The following VTI1A variants were observed in gnomAD, a reference collection of about 807,000 sequenced individuals.
VTI1A encodes vesicle transport through interaction with t-SNAREs homolog 1A.
Under a neutral mutation model 34.9 loss-of-function variants are expected in VTI1A, and 22 were observed. The ratio of observed to expected loss-of-function variants is 0.63; its 90% confidence interval spans 0.45 to 0.90. The LOEUF (loss-of-function observed/expected upper bound fraction) is 0.90, where lower values mean the gene tolerates loss of function less well. VTI1A is among the 40% of genes least tolerant of loss of function. VTI1A has a pLI of 0.00. For missense variants in VTI1A, 268 were observed against 275.6 expected (o/e 0.97, Z 0.20); for synonymous variants, 87 against 97.3 (o/e 0.89, Z 0.62).
intron 3 of VTI1A, among the ~76,000 whole-genome samples, chr10:112,490,447 T>TA (rs1324299468): frequency 4.6e-5 from 7 of 152,198 alleles, no homozygotes; most frequent in Non-Finnish European, 1.0e-4. Context: ...TCAGCCCTCA[T>TA]AAATACTGTT....
rs1227603793 is a variant in VTI1A, at chr10:112,564,035, A to ATCT, written c.427+25706_427+25708dup. ...TTTAAAAACCTAAGGTGATTAAAATATCTACTAAAATGTTGAAAATTGTAA... is the reference window on the plus strand; with the variant it reads ...TTTAAAAACCTAAGGTGATTAAAATATCTTCTACTAAAATGTTGAAAATTGTAA... On this transcript the variant is annotated intron_variant, in intron 5 of 7. Coordinates refer to ENST00000393077, the MANE Select transcript of VTI1A (RefSeq NM_145206.4). Among the ~76,000 whole-genome samples the ATCT allele has an allele frequency of 3.3e-5, 5 of 152,232 alleles. No individual in the cohort carries two copies. The East Asian group carries it at 9.6e-4, about 29-fold the overall frequency.
At chr10:112,822,325 T>A (rs1258529457), downstream of VTI1A, among the ~76,000 whole-genome samples, 1 of 152,186 alleles carries the variant, frequency 6.6e-6, no homozygotes, top group Non-Finnish European at 1.5e-5. Context: ...AGCCTGAGAA[T>A]GGGCTCTGCA....
intron 5 of VTI1A, among the ~76,000 whole-genome samples, chr10:112,566,979 CAT>C (rs1851925512): frequency 6.6e-6 from 1 of 152,134 alleles, no homozygotes; most frequent in African/African-American, 2.4e-5. Context: ...CCTAGTGCAA[CAT>C]ATTTTTTGTA....
chr10:112,795,836 A>G (rs1283839188), intron 7 of VTI1A, among the ~76,000 whole-genome samples: 1 of 152,132 alleles, frequency 6.6e-6, no homozygotes, highest in Non-Finnish European at 1.5e-5. Context: ...AATAATTATT[A>G]TATATGTAAT....
intron 7 of VTI1A, among the ~76,000 whole-genome samples, chr10:112,679,389 A>G (rs984872362): frequency 3.9e-5 from 6 of 152,182 alleles, no homozygotes; most frequent in Admixed American, 3.9e-4. Flanking sequence ...TTAAATTGTG[A>G]TGTTTGACCA....
intron 7 of VTI1A, among the ~76,000 whole-genome samples, chr10:112,709,950 C>G (rs1476597216): frequency 6.8e-6 from 1 of 147,826 alleles, no homozygotes; most frequent in Non-Finnish European, 1.5e-5. Context: ...CTCGGCCTCC[C>G]AAAGTGCTCT....
intron 5 of VTI1A, among the ~76,000 whole-genome samples, chr10:112,580,203 AAGATG>A (rs1325250817): frequency 6.6e-6 from 1 of 152,204 alleles, no homozygotes; most frequent in Non-Finnish European, 1.5e-5. Context: ...GCAGAAGTTG[AAGATG>A]TAACCTCAGA....
chr10:112,649,142 C>T (rs2133796496), intron 5 of VTI1A, among the ~76,000 whole-genome samples: 1 of 152,142 alleles, frequency 6.6e-6, no homozygotes, highest in South Asian at 2.1e-4. Flanking sequence ...GGGGTCAGGG[C>T]ACGCACAATG....
downstream of VTI1A, among the ~76,000 whole-genome samples, chr10:112,819,708 T>C (rs1458603444): frequency 2.0e-5 from 3 of 152,162 alleles, no homozygotes; most frequent in African/African-American, 7.2e-5. Context: ...ACCATGAGCT[T>C]GAAGGGCCAG....
At chr10:112,800,020 TG>T (rs1436166308) in intron 7 of VTI1A, among the ~76,000 whole-genome samples, 2 of 152,102 alleles carry the variant, frequency 1.3e-5, no homozygotes, top group Non-Finnish European at 2.9e-5. Flanking sequence ...CCTCAAAAGT[TG>T]GCAGAGATGC....
intron 3 of VTI1A, among the ~76,000 whole-genome samples, chr10:112,500,158 C>T (rs1421345397): frequency 2.0e-5 from 3 of 152,104 alleles, no homozygotes; most frequent in South Asian, 2.1e-4. Flanking sequence ...TTGCCAAGGC[C>T]GGGTGTGGTG....
intron 7 of VTI1A, among the ~76,000 whole-genome samples, chr10:112,725,210 G>A (rs898819964): frequency 1.4e-4 from 21 of 151,978 alleles, no homozygotes; most frequent in African/African-American, 4.6e-4. Context: ...ATTACAGATC[G>A]CCCTCCTGTT....
At chr10:112,701,255 C>G (rs1312141628) in intron 7 of VTI1A, among the ~76,000 whole-genome samples, 2 of 152,146 alleles carry the variant, frequency 1.3e-5, no homozygotes, top group African/African-American at 4.8e-5. Context: ...GATGCAGAAA[C>G]CAACAACTAG....
rs141522369 is a variant in VTI1A at position 112,717,323 on chromosome 10, C to T, written c.560+48325C>T. Among the ~76,000 whole-genome samples the T allele has an allele frequency of 5.2e-3, 798 of 152,274 alleles. 7 individuals are homozygous for T. The highest frequency in any genetic ancestry group is 0.018 in the African/African-American group (768 of 41,540). ...TCTCTTTTTCTCTTCTCCTGGTTATCTGTTGCTGAGTAGCAAACCACCCTA... is the reference window on the plus strand; with the variant it reads ...TCTCTTTTTCTCTTCTCCTGGTTATTTGTTGCTGAGTAGCAAACCACCCTA... On this transcript the variant is annotated intron_variant, in intron 7 of 7. Transcript: ENST00000393077.
intron 7 of VTI1A, among the ~76,000 whole-genome samples, chr10:112,685,841 A>G (rs1190772435): frequency 6.6e-6 from 1 of 152,204 alleles, no homozygotes; most frequent in African/African-American, 2.4e-5. Context: ...GAAAGAAATG[A>G]GACTTCTTCC....
chr10:112,596,301 TTAAAA>T (rs1253586215), intron 5 of VTI1A, among the ~76,000 whole-genome samples: 4 of 81,742 alleles, frequency 4.9e-5, no homozygotes, highest in Non-Finnish European at 7.1e-5. Flanking sequence ...ACCCTAAAAC[TTAAAA>T]TATAATAATA....
chr10:112,769,233 G>A (rs1283104924), intron 7 of VTI1A, among the ~76,000 whole-genome samples: 1 of 152,190 alleles, frequency 6.6e-6, no homozygotes, highest in Non-Finnish European at 1.5e-5. Flanking sequence ...TCAGAACACA[G>A]ACAGCAGGCC....
intron 2 of VTI1A, 67 bp from the exon 3 acceptor site, chr10:112,464,480 C>G: frequency 1.4e-6 from 2 of 1,395,638 alleles, no homozygotes; most frequent in Non-Finnish European, 2.0e-6. Context: ...ATCCTTTCAG[C>G]CGTAAACATT....
intron 5 of VTI1A, among the ~76,000 whole-genome samples, chr10:112,616,777 G>A (rs1391684463): frequency 1.3e-5 from 2 of 152,106 alleles, no homozygotes; most frequent in South Asian, 4.1e-4. Flanking sequence ...AAAATCTGGA[G>A]GAATGGATTT....
Sources: gnomAD v4.1 joint callset for allele counts (sites outside exome capture counted in the v4.1 genomes callset) on GRCh38, gnomAD v4.1.1 for gene constraint, MANE v1.5 for transcripts, NCBI Gene and HGNC (gene_info 2026-07-23, HGNC 2026-07-21) for gene names.